The following XKR9 variants were observed in gnomAD, a reference collection of about 807,000 sequenced individuals.
XKR9 encodes the protein XK related 9, also known as XK-related protein 9.
Under a neutral mutation model 32.0 loss-of-function variants are expected in XKR9, and 32 were observed. That is an observed-to-expected ratio of 1.00 (90% CI 0.76 to 1.34). XKR9 has a LOEUF of 1.34. Ranked by LOEUF, XKR9 falls within the 40% of genes most tolerant of loss-of-function variation. XKR9 has a pLI of 0.00. For missense variants in XKR9, 546 were observed against 429.7 expected (o/e 1.27, Z -2.39); for synonymous variants, 168 against 143.4 (o/e 1.17, Z -1.22).
At chr8:70,770,742 G>A (rs531957873) in intron 2 of XKR9, among the ~76,000 whole-genome samples, 6 of 152,304 alleles carry the variant, frequency 3.9e-5, no homozygotes, top group African/African-American at 1.4e-4. Context: ...TCAAGCCTCA[G>A]TAATGGTGGA....
chr8:70,890,865 G>A, the XKR9 span, among the ~76,000 whole-genome samples: 1 of 151,906 alleles, frequency 6.6e-6, no homozygotes, highest in African/African-American at 2.4e-5. Flanking sequence ...AGTTTAAAAA[G>A]TCTTGGTATT....
chr8:70,868,880 T>A, the XKR9 span, among the ~76,000 whole-genome samples: 30 of 152,324 alleles, frequency 2.0e-4, no homozygotes, highest in African/African-American at 7.0e-4. Flanking sequence ...ACCTCTTGAA[T>A]GCTTTGCTGC....
downstream of XKR9, among the ~76,000 whole-genome samples, chr8:70,738,835 C>T (rs375678261): frequency 1.3e-5 from 2 of 152,114 alleles, no homozygotes; most frequent in East Asian, 3.9e-4. Flanking sequence ...GTCTGAGAGA[C>T]AGTTTGTTAT....
intron 3 of XKR9, among the ~76,000 whole-genome samples, chr8:70,697,665 C>A (rs1355926657): frequency 6.6e-6 from 1 of 151,000 alleles, no homozygotes; most frequent in Non-Finnish European, 1.5e-5. Flanking sequence ...TGTGTCTCTG[C>A]CCGGCTTTGG....
the XKR9 span, among the ~76,000 whole-genome samples, chr8:70,854,640 G>A: frequency 3.5e-4 from 53 of 152,258 alleles, no homozygotes; most frequent in African/African-American, 1.1e-3. Flanking sequence ...TTCTTCTAGG[G>A]TTTTTATGGT....
At chr8:70,935,290 T>G in the XKR9 span, among the ~76,000 whole-genome samples, 2 of 151,468 alleles carry the variant, frequency 1.3e-5, no homozygotes, top group Non-Finnish European at 3.0e-5. Flanking sequence ...GTATTTTGAG[T>G]TTTACTTACT....
At chr8:70,983,806 T>TA in the XKR9 span, among the ~76,000 whole-genome samples, 2 of 150,418 alleles carry the variant, frequency 1.3e-5, no homozygotes, top group African/African-American at 4.9e-5. Context: ...AATAAATAAA[T>TA]AAATAAATAA....
the XKR9 span, among the ~76,000 whole-genome samples, chr8:71,010,163 G>A: frequency 1.3e-5 from 2 of 152,104 alleles, no homozygotes; most frequent in Non-Finnish European, 1.5e-5. Context: ...AAAAATGTAG[G>A]TGAAAACATT....
At chr8:70,755,635 C>A (rs530058903) in intron 2 of XKR9, among the ~76,000 whole-genome samples, 9 of 151,784 alleles carry the variant, frequency 5.9e-5, no homozygotes, top group African/African-American at 2.2e-4. Context: ...TGGAAATCAT[C>A]ATTCTCAGTA....
intron 2 of XKR9, among the ~76,000 whole-genome samples, chr8:70,753,945 G>A (rs62532092): frequency 0.08 from 10,764 of 134,768 alleles, 478 homozygotes; most frequent in Non-Finnish European, 0.1. Context: ...GAAATAAAGG[G>A]TATTCAACTA....
chr8:70,966,799 G>C, the XKR9 span, among the ~76,000 whole-genome samples: 48,429 of 151,928 alleles, frequency 0.32, 9,043 homozygotes, highest in Non-Finnish European at 0.43. Flanking sequence ...GAATCTAGGT[G>C]CTCCTGTATT....
chr8:70,749,924 G>T (rs1174419308), intron 2 of XKR9, among the ~76,000 whole-genome samples: 2 of 152,126 alleles, frequency 1.3e-5, no homozygotes, highest in Non-Finnish European at 2.9e-5. Context: ...AATCTACTGA[G>T]ACTGTTAAAT....
the XKR9 span, among the ~76,000 whole-genome samples, chr8:70,977,227 GTC>G: frequency 6.6e-6 from 1 of 151,984 alleles, no homozygotes; most frequent in African/African-American, 2.4e-5. Context: ...GGTTTTTTGT[GTC>G]TCTATCTCCT....
chr8:70,965,432 AG>A, the XKR9 span, among the ~76,000 whole-genome samples: 1 of 152,242 alleles, frequency 6.6e-6, no homozygotes, highest in South Asian at 2.1e-4. Context: ...TATCTCTGTC[AG>A]GTTTTGATAT....
the XKR9 span, among the ~76,000 whole-genome samples, chr8:70,879,170 A>C: frequency 2.0e-4 from 30 of 152,196 alleles, no homozygotes; most frequent in Non-Finnish European, 3.8e-4. Flanking sequence ...GGTAGAGGCA[A>C]ATTTATAGCA....
the XKR9 span, among the ~76,000 whole-genome samples, chr8:70,853,748 A>G: frequency 5.3e-5 from 8 of 151,936 alleles, no homozygotes; most frequent in Non-Finnish European, 8.8e-5. Flanking sequence ...TCATTGTTCA[A>G]TTCCCACCTA....
chr8:70,735,581 T>A lies in XKR9; in HGVS notation c.*1157T>A, dbSNP rs1016608567. 88 of 150,890 alleles carry A rather than the reference T, an allele frequency of 5.8e-4. No individual in the cohort carries two copies. Among genetic ancestry groups the A allele is most frequent in the African/African-American group, 2.1e-3 (85 of 41,218 alleles). The allele number at this position is 150,890 out of a possible 1,614,324, so 9.3% of individuals were successfully genotyped here. On this transcript the variant is annotated 3_prime_UTR_variant, in exon 5 of 5. Transcript: ENST00000408926. ...GCACCCATTAACTCGTCATTTATCA[T>A]TAGGTATATCTCCTAAAGCTATCCC...
the XKR9 span, among the ~76,000 whole-genome samples, chr8:70,828,867 G>C: frequency 6.6e-6 from 1 of 152,030 alleles, no homozygotes; most frequent in Admixed American, 6.6e-5. Context: ...ATAAAGTCAA[G>C]TCCCATTCTA....
chr8:70,805,989 A>G, the XKR9 span, among the ~76,000 whole-genome samples: 1 of 152,146 alleles, frequency 6.6e-6, no homozygotes, highest in Non-Finnish European at 1.5e-5. Context: ...CAGACACCCT[A>G]TACAGGAGCA....
Sources: gnomAD v4.1 joint callset for allele counts (sites outside exome capture counted in the v4.1 genomes callset) on GRCh38, gnomAD v4.1.1 for gene constraint, MANE v1.5 for transcripts, NCBI Gene and HGNC (gene_info 2026-07-23, HGNC 2026-07-21) for gene names.